VEGFC: variants seen among roughly 807,000 people sequenced by gnomAD.
The protein encoded by VEGFC is vascular endothelial growth factor C.
VEGFC carries 12 observed loss-of-function variants against 46.1 expected under a neutral mutation model. The ratio of observed to expected loss-of-function variants is 0.26; its 90% CI spans 0.17 to 0.42. The LOEUF is 0.42. Among genes scored for constraint, VEGFC ranks in the 10% least tolerant of loss-of-function variants. The probability of loss-of-function intolerance (pLI) is 1.00; values close to 1 mark genes in which losing one functional copy is unlikely to be tolerated. For synonymous variants in VEGFC, 232 were observed against 195.5 expected, an observed-to-expected ratio of 1.19 and a Z score of -1.56; for missense variants, 488 against 529.4, an observed-to-expected ratio of 0.92 and a Z score of 0.77.
At chr4:176,778,968 CCAAT>C (rs1224614284) in intron 1 of VEGFC, among the ~76,000 whole-genome samples, 6 of 152,142 alleles carry the variant, frequency 3.9e-5, no homozygotes, top group African/African-American at 1.4e-4. Context: ...GCCCCCACCA[CCAAT>C]CAATCAATCA....
chr4:176,790,625 T>C (rs1736074707), intron 1 of VEGFC, among the ~76,000 whole-genome samples: 2 of 152,114 alleles, frequency 1.3e-5, no homozygotes, highest in South Asian at 4.1e-4. Context: ...CAGGGAATGT[T>C]TCTCATTTTA....
At chr4:176,710,907 A>C (rs1174538457) in intron 4 of VEGFC, among the ~76,000 whole-genome samples, 1 of 152,174 alleles carries the variant, frequency 6.6e-6, no homozygotes, top group African/African-American at 2.4e-5. Flanking sequence ...CTGAATAACA[A>C]ATAATGGTTT....
rs372436876 is a variant in VEGFC, at chr4:176,687,367, T to C, written c.965A>G (p.Lys322Arg). ...RNSCQCVCKN[K>R]LFPSQCGANR... ...GGCCCCACATTGGCTGGGGAAGAGT[T>C]TGTTTTTACAGACACACTGGCATGA... Residue 322 changes from lysine to arginine, a missense_variant, in exon 6 of 7, where the codon AAA (lysine) becomes AGA (arginine). Physicochemically the swap from Lys to Arg is conservative, Grantham distance 26. Transcript: ENST00000618562. 1 of 1,614,144 alleles carries C rather than the reference T, an allele frequency of 6.2e-7. No individual in the cohort carries two copies. Among genetic ancestry groups the C allele is most frequent in the Non-Finnish European group, 8.5e-7 (1 of 1,180,026 alleles).
chr4:176,709,948 A>G (rs77385611), intron 4 of VEGFC, among the ~76,000 whole-genome samples: 30 of 152,268 alleles, frequency 2.0e-4, no homozygotes, highest in African/African-American at 6.7e-4. Context: ...CTTGGAACAC[A>G]TATCTCCCCC....
intron 1 of VEGFC, among the ~76,000 whole-genome samples, chr4:176,739,494 A>C (rs556659052): frequency 6.6e-6 from 1 of 152,046 alleles, no homozygotes; most frequent in African/African-American, 2.4e-5. Flanking sequence ...ATGCAGGAGC[A>C]GAAAAGCAAA....
intron 6 of VEGFC, among the ~76,000 whole-genome samples, chr4:176,686,356 A>G (rs1402207415): frequency 1.3e-5 from 2 of 152,202 alleles, no homozygotes; most frequent in Non-Finnish European, 2.9e-5. Context: ...GTTTTTGAGC[A>G]GCTTTGAAGA....
intron 1 of VEGFC, among the ~76,000 whole-genome samples, chr4:176,780,761 C>A (rs1579140847): frequency 6.6e-6 from 1 of 152,168 alleles, no homozygotes; most frequent in African/African-American, 2.4e-5. Flanking sequence ...CAGTCTTCTA[C>A]GTGTGTCGTG....
intron 1 of VEGFC, among the ~76,000 whole-genome samples, chr4:176,736,785 G>T (rs987701166): frequency 6.6e-6 from 1 of 151,394 alleles, no homozygotes; most frequent in Admixed American, 6.6e-5. Context: ...AATATTTCAT[G>T]ACTGCTTCAA....
At chr4:176,790,329 T>C (rs1001394132) in intron 1 of VEGFC, among the ~76,000 whole-genome samples, 2 of 152,192 alleles carry the variant, frequency 1.3e-5, no homozygotes, top group African/African-American at 2.4e-5. Context: ...TACTAACCCA[T>C]ATTCACCATA....
At chr4:176,770,040 T>C (rs4555574) in intron 1 of VEGFC, among the ~76,000 whole-genome samples, 125,616 of 152,158 alleles carry the variant, frequency 0.83, 53,423 homozygotes, top group East Asian at 1. Flanking sequence ...GGGAAGAAAT[T>C]TCTATTTACT....
rs1736119392 is a variant in VEGFC at position 176,792,503 on chromosome 4, C to G, written c.-192G>C. 2.4e-6 allele frequency: 1 copy of G among 416,752 alleles called. No individual in the cohort carries two copies. Among genetic ancestry groups the G allele is most frequent in the Non-Finnish European group, 4.2e-6 (1 of 239,502 alleles). 25.8% of individuals were successfully genotyped at this position (416,752 alleles called of 1,614,324 possible). ...GTTCCCAACTTTGCAGGGCGCCCTCCCAGCCAGTGCCGGGGAAAGGCGGCG... is the reference window on the plus strand; with the variant it reads ...GTTCCCAACTTTGCAGGGCGCCCTCGCAGCCAGTGCCGGGGAAAGGCGGCG... On this transcript the variant is annotated 5_prime_UTR_variant, in exon 1 of 7. Transcript: ENST00000618562. The surrounding 1 kb of genome is among the most constrained non-coding windows in gnomAD (Gnocchi z 6.3).
chr4:176,714,779 A>G (rs1434431905), intron 3 of VEGFC, among the ~76,000 whole-genome samples: 2 of 152,200 alleles, frequency 1.3e-5, no homozygotes, highest in Non-Finnish European at 2.9e-5. Context: ...GCCTAGGTAG[A>G]TAATGTTCAC....
At chr4:176,770,646 T>C (rs1042892732) in intron 1 of VEGFC, among the ~76,000 whole-genome samples, 1 of 148,780 alleles carries the variant, frequency 6.7e-6, no homozygotes, top group Admixed American at 6.6e-5. Context: ...TATCTATTTC[T>C]GTTATAGTGT....
rs370231665 is a variant in VEGFC, at chr4:176,791,193, C to T, written c.147+972G>A. Among the ~76,000 whole-genome samples the T allele has an allele frequency of 6.6e-5, 10 of 152,254 alleles. No homozygotes were observed. The South Asian group carries it at 1.2e-3, about 19-fold the overall frequency. Reference sequence around the variant, plus strand: ...CCACAGGTACCTCTCCACTTGCCACCAGTTGAAATAAACTACCGCAGTATA... The same window carrying T: ...CCACAGGTACCTCTCCACTTGCCACTAGTTGAAATAAACTACCGCAGTATA... On this transcript the variant is annotated intron_variant, in intron 1 of 6. Transcript: ENST00000618562.
intron 4 of VEGFC, among the ~76,000 whole-genome samples, chr4:176,700,460 T>G (rs938195231): frequency 6.6e-6 from 1 of 152,068 alleles, no homozygotes; most frequent in Non-Finnish European, 1.5e-5. Context: ...CCTTTTTGTC[T>G]GAGTATAAAC....
At chr4:176,705,898 T>C (rs987457132) in intron 4 of VEGFC, 1 of 152,176 alleles carries the variant, frequency 6.6e-6, no homozygotes, top group Non-Finnish European at 1.5e-5. Context: ...TGTGCTCTTT[T>C]GTAGATTAAA....
intron 4 of VEGFC, among the ~76,000 whole-genome samples, chr4:176,695,179 T>C (rs1335990712): frequency 6.6e-6 from 1 of 151,876 alleles, no homozygotes; most frequent in Non-Finnish European, 1.5e-5. Context: ...CAAAAATTAA[T>C]GAATCCAGGA....
intron 1 of VEGFC, among the ~76,000 whole-genome samples, chr4:176,735,562 G>A (rs1199639133): frequency 6.6e-6 from 1 of 151,896 alleles, no homozygotes; most frequent in Non-Finnish European, 1.5e-5. Context: ...GGCTCTTAGA[G>A]GAAATCTTCC....
At chr4:176,781,993 C>G in intron 1 of VEGFC, among the ~76,000 whole-genome samples, 1 of 152,168 alleles carries the variant, frequency 6.6e-6, no homozygotes, top group East Asian at 1.9e-4. Context: ...CCTCAACTAC[C>G]GCAGTGCCAA....
Sources: allele counts gnomAD v4.1 joint callset (sites outside exome capture counted in the v4.1 genomes callset), GRCh38; gene constraint gnomAD v4.1.1; non-coding constraint Gnocchi (gnomAD v3.1); transcripts MANE v1.5; gene names NCBI Gene and HGNC (gene_info 2026-07-23, HGNC 2026-07-21).